Variants in CDH13 observed in about 807,000 individuals in gnomAD.
The protein encoded by CDH13 is cadherin-13.
A neutral mutation model predicts 63.8 loss-of-function variants in CDH13; 24 were observed. The ratio of observed to expected loss-of-function variants is 0.38; its 90% CI spans 0.27 to 0.53. The LOEUF (loss-of-function observed/expected upper bound fraction) is 0.53, where lower values mean the gene tolerates loss of function less well. Ranked by LOEUF, CDH13 falls within the 20% of genes least tolerant of loss-of-function variation. The pLI is 0.85. For missense variants in CDH13, 1,049 were observed against 903.1 expected (o/e 1.16, Z -2.07); for synonymous variants, 503 against 355.3 (o/e 1.42, Z -4.67).
intron 10 of CDH13, among the ~76,000 whole-genome samples, chr16:83,733,622 C>A (rs1911254956): frequency 6.6e-6 from 1 of 152,204 alleles, no homozygotes; most frequent in African/African-American, 2.4e-5. Context: ...TGGCAATATC[C>A]ATGCTCAGCT....
rs556893473 is a variant in CDH13, at chr16:83,765,992, G to A, written c.1682-13976G>A. Among the ~76,000 whole-genome samples, 20 of 152,224 alleles carry A rather than the reference G, an allele frequency of 1.3e-4. No individual in the cohort carries two copies. In the South Asian group the frequency reaches 3.5e-3, roughly 27 times the overall value. On this transcript the variant is annotated intron_variant, in intron 11 of 13. Coordinates refer to ENST00000567109, the MANE Select transcript of CDH13 (RefSeq NM_001257.5). Reference sequence around the variant, plus strand: ...GGAATTTGGGGCCATAGATTGTACCGCTCTTGTGTCCATGCTCAAGATTGC... The same window carrying A: ...GGAATTTGGGGCCATAGATTGTACCACTCTTGTGTCCATGCTCAAGATTGC...
At chr16:83,173,606 G>T (rs1395837874) in intron 4 of CDH13, among the ~76,000 whole-genome samples, 2 of 152,048 alleles carry the variant, frequency 1.3e-5, no homozygotes, top group Non-Finnish European at 2.9e-5. Flanking sequence ...TAATACTAAA[G>T]AATTTGTGTT....
At chr16:83,478,836 G>GAAAAAAAAAAAAAAA (rs374669824) in intron 6 of CDH13, among the ~76,000 whole-genome samples, 2 of 112,276 alleles carry the variant, frequency 1.8e-5, no homozygotes, top group Non-Finnish European at 1.8e-5. Flanking sequence ...TTGAAGATGA[G>GAAAAAAAAAAAAAAA]AAAAAAAAAA....
intron 5 of CDH13, among the ~76,000 whole-genome samples, chr16:83,239,251 G>T (rs1904294553): frequency 1.3e-5 from 2 of 152,184 alleles, no homozygotes; most frequent in African/African-American, 4.8e-5. Flanking sequence ...AGCAGGTTCA[G>T]CTCCTCAAGT....
At chr16:82,807,775 A>G (rs1377937868) in intron 1 of CDH13, among the ~76,000 whole-genome samples, 1 of 152,194 alleles carries the variant, frequency 6.6e-6, no homozygotes, top group Non-Finnish European at 1.5e-5. Context: ...AGCATTTTAT[A>G]TGTGGAGGAA....
intron 1 of CDH13, among the ~76,000 whole-genome samples, chr16:82,732,711 T>C (rs1425906189): frequency 1.3e-5 from 2 of 152,208 alleles, no homozygotes; most frequent in African/African-American, 4.8e-5. Context: ...ATCTAACCAC[T>C]GATTTCCAAA....
At position 83,691,731 on chromosome 16, in the gene CDH13, G is replaced by A. The variant is rs145981537; in HGVS notation, c.1538+13270G>A. Among the ~76,000 whole-genome samples the A allele has an allele frequency of 4.7e-4, 71 of 152,170 alleles. No homozygotes were observed. The East Asian group carries it at 8.7e-3, about 19-fold the overall frequency. ...TGTACATTGTCCCCAGGAGTCGAAC[G>A]GACCTGGGCCATCCTGCCTCCTTCC... On this transcript the variant is annotated intron_variant, in intron 10 of 13. Transcript: ENST00000567109.
intron 5 of CDH13, among the ~76,000 whole-genome samples, chr16:83,327,176 A>C (rs973227544): frequency 3.9e-5 from 6 of 152,208 alleles, no homozygotes; most frequent in African/African-American, 1.2e-4. Flanking sequence ...TCCTTCATTT[A>C]CATATGCTTA....
chr16:82,843,072 A>G (rs2039101412), intron 1 of CDH13, among the ~76,000 whole-genome samples: 1 of 152,208 alleles, frequency 6.6e-6, no homozygotes, highest in Admixed American at 6.5e-5. Context: ...ATACCCATCC[A>G]TGGCCTGGGG....
chr16:83,491,675 T>G lies in CDH13; in HGVS notation c.960+5020T>G, dbSNP rs543258672. The stretch of plus-strand genomic sequence containing the variant: ...AGTATCATTAGTCTTTTTAAGGGGT[T>G]TGAGCTGAGCACTTTTCTGTCTTTG... On this transcript the variant is annotated intron_variant, in intron 7 of 13. Transcript: ENST00000567109. Among the ~76,000 whole-genome samples, 5 of 152,226 alleles carry G rather than the reference T, an allele frequency of 3.3e-5. No homozygotes were observed. The East Asian group carries it at 9.7e-4, about 29-fold the overall frequency.
chr16:83,305,025 G>T (rs1201633411), intron 5 of CDH13, among the ~76,000 whole-genome samples: 1 of 152,212 alleles, frequency 6.6e-6, no homozygotes, highest in African/African-American at 2.4e-5. Context: ...ATTCCCCACA[G>T]ACCGGGAAGC....
intron 6 of CDH13, among the ~76,000 whole-genome samples, chr16:83,351,514 C>G (rs1207429036): frequency 6.6e-6 from 1 of 152,070 alleles, no homozygotes; most frequent in East Asian, 1.9e-4. Flanking sequence ...CCGTAAATCT[C>G]TCTCTTCACT....
At chr16:83,112,307 G>C (rs1300501095) in intron 3 of CDH13, among the ~76,000 whole-genome samples, 1 of 152,222 alleles carries the variant, frequency 6.6e-6, no homozygotes, top group Non-Finnish European at 1.5e-5. Context: ...ACTGTGTGAA[G>C]ACATTCAGAG....
intron 7 of CDH13, among the ~76,000 whole-genome samples, chr16:83,579,008 G>A (rs1905294029): frequency 6.6e-6 from 1 of 152,216 alleles, no homozygotes; most frequent in Admixed American, 6.5e-5. Context: ...AAAGCATTTT[G>A]CACATTTCCT....
chr16:83,621,392 A>G (rs963236349), intron 8 of CDH13, among the ~76,000 whole-genome samples: 2 of 148,138 alleles, frequency 1.4e-5, no homozygotes, highest in Admixed American at 6.8e-5. Context: ...GAAGCAGCCC[A>G]GGTCTATTAC....
rs1182713038 is a variant in CDH13, at chr16:83,368,902, A to C, written c.781+23896A>C. 2.0e-3 allele frequency among the ~76,000 whole-genome samples: 119 copies of C among 58,080 alleles called. 5 individuals are homozygous for C. Among genetic ancestry groups the C allele is most frequent in the Non-Finnish European group, 3.0e-3 (94 of 31,756 alleles). The allele number at this position is 58,080 out of a possible 152,430, so 38.1% of individuals were successfully genotyped here. ...TTCCATGTTATATATATATATATATATATATATATATATATATATATATAT... is the reference window on the plus strand; with the variant it reads ...TTCCATGTTATATATATATATATATCTATATATATATATATATATATATAT... On this transcript the variant is annotated intron_variant, in intron 6 of 13. Coordinates refer to ENST00000567109, the MANE Select transcript of CDH13 (RefSeq NM_001257.5).
chr16:82,986,249 C>A (rs1040062379), intron 2 of CDH13, among the ~76,000 whole-genome samples: 3 of 152,224 alleles, frequency 2.0e-5, no homozygotes, highest in Admixed American at 1.3e-4. Context: ...TACGTCTGAG[C>A]CTGAGTAACA....
At chr16:83,234,926 G>A (rs755722611) in intron 5 of CDH13, among the ~76,000 whole-genome samples, 8 of 152,180 alleles carry the variant, frequency 5.3e-5, no homozygotes, top group African/African-American at 1.9e-4. Context: ...GCCGGGCACC[G>A]TGGCTCACGC....
intron 1 of CDH13, among the ~76,000 whole-genome samples, chr16:82,672,303 T>C (rs977891476): frequency 1.3e-5 from 2 of 152,226 alleles, no homozygotes; most frequent in Admixed American, 6.5e-5. Flanking sequence ...TCCTCATTAT[T>C]ACTCCTTGAT....
Sources: gnomAD v4.1 joint callset for allele counts (sites outside exome capture counted in the v4.1 genomes callset) on GRCh38, gnomAD v4.1.1 for gene constraint, MANE v1.5 for transcripts, NCBI Gene and HGNC (gene_info 2026-07-23, HGNC 2026-07-21) for gene names.